The following WDR26 variants were observed in gnomAD, a reference collection of about 807,000 sequenced individuals.
WDR26 encodes WD repeat-containing protein 26.
A neutral mutation model predicts 84.1 loss-of-function variants in WDR26; 5 were observed. The ratio of observed to expected loss-of-function variants is 0.06; its 90% CI spans 0.03 to 0.13. The LOEUF is 0.13. Among genes scored for constraint, WDR26 ranks in the 10% least tolerant of loss-of-function variants. The probability of loss-of-function intolerance (pLI) is 1.00; values close to 1 mark genes in which losing one functional copy is unlikely to be tolerated. For synonymous variants in WDR26, 415 were observed against 389.6 expected (o/e 1.07, Z -0.77); for missense variants, 642 against 974.9 (o/e 0.66, Z 4.55).
At chr1:224,407,122 TAAAAAAAAAAAA>T (rs1158264938) in intron 7 of WDR26, among the ~76,000 whole-genome samples, 2 of 11,684 alleles carry the variant, frequency 1.7e-4, no homozygotes, top group African/African-American at 5.8e-4. Flanking sequence ...ACTCTGTCTT[TAAAAAAAAAAAA>T]AAAAAAAAAA....
At chr1:224,411,772 C>T (rs1177885405) in intron 6 of WDR26, among the ~76,000 whole-genome samples, 1 of 150,920 alleles carries the variant, frequency 6.6e-6, no homozygotes. Flanking sequence ...GTAGCACAAT[C>T]ATAGATCACT....
intron 12 of WDR26, among the ~76,000 whole-genome samples, chr1:224,394,488 T>C (rs551149771): frequency 7.3e-5 from 11 of 151,462 alleles, no homozygotes; most frequent in African/African-American, 2.4e-4. Context: ...CCCCATAAAA[T>C]GGGTATTCTG....
At chr1:224,428,528 AG>A (rs1279255171) in intron 3 of WDR26, among the ~76,000 whole-genome samples, 7 of 152,186 alleles carry the variant, frequency 4.6e-5, no homozygotes, top group Non-Finnish European at 8.8e-5. Flanking sequence ...ACATAAAAAA[AG>A]TTTTCTATTA....
At chr1:224,392,363 AAAAAG>A (rs1673152763) in intron 13 of WDR26, among the ~76,000 whole-genome samples, 1 of 152,154 alleles carries the variant, frequency 6.6e-6, no homozygotes, top group Non-Finnish European at 1.5e-5. Context: ...CTCAAAAAAA[AAAAAG>A]AAAAGAAAAC....
chr1:224,426,427 A>ATACG (rs937354056), intron 3 of WDR26, among the ~76,000 whole-genome samples: 3 of 152,158 alleles, frequency 2.0e-5, no homozygotes, highest in Admixed American at 2.0e-4. Flanking sequence ...CATCTTAAAT[A>ATACG]TACGGCTAAG....
chr1:224,433,477 T>A (rs1674467317), intron 1 of WDR26, among the ~76,000 whole-genome samples: 3 of 152,054 alleles, frequency 2.0e-5, no homozygotes, highest in African/African-American at 7.3e-5. Context: ...GACTGATTGA[T>A]TTTCCCCTAT....
intron 4 of WDR26, among the ~76,000 whole-genome samples, chr1:224,423,145 G>C (rs1182946967): frequency 6.6e-6 from 1 of 152,184 alleles, no homozygotes; most frequent in Non-Finnish European, 1.5e-5. Context: ...AGTTCTAAGA[G>C]TTTTTTAGTG....
Position 224,433,764 on chromosome 1 carries a change from G to C in WDR26, c.642C>G (p.Leu214=). 2 of 1,536,618 alleles carry C rather than the reference G, an allele frequency of 1.3e-6. No homozygotes were observed. The highest frequency in any genetic ancestry group is 1.7e-6 in the Non-Finnish European group (2 of 1,146,572). Residue 214 remains leucine, a synonymous_variant, in exon 1 of 14, where the codon CTC becomes CTG. Transcript: ENST00000414423. The stretch of plus-strand genomic sequence containing the variant: ...ACTGGGAGAGCCGCTTCTTCTTCTT[G>C]AGGCTGCTGCCCAGTTCTGGGGTGG...
intron 7 of WDR26, among the ~76,000 whole-genome samples, chr1:224,406,948 C>T (rs922139509): frequency 6.7e-6 from 1 of 149,452 alleles, no homozygotes; most frequent in Non-Finnish European, 1.5e-5. Flanking sequence ...GTGGTGAAAC[C>T]CTGTCTCTAC....
At chr1:224,421,858 TCC>T (rs2102916645) in intron 4 of WDR26, among the ~76,000 whole-genome samples, 2 of 152,196 alleles carry the variant, frequency 1.3e-5, no homozygotes, top group Admixed American at 1.3e-4. Flanking sequence ...AGGCTTTGAG[TCC>T]TGCTTTCTGA....
At chr1:224,422,714 C>CAAAA (rs57059923) in intron 4 of WDR26, among the ~76,000 whole-genome samples, 1 of 146,222 alleles carries the variant, frequency 6.8e-6, no homozygotes. Context: ...AACTCTGTCT[C>CAAAA]AAAAAAAAAA....
chr1:224,395,477 C>T (rs1161521651), intron 12 of WDR26, among the ~76,000 whole-genome samples: 1 of 151,918 alleles, frequency 6.6e-6, no homozygotes, highest in Non-Finnish European at 1.5e-5. Flanking sequence ...TGTATCTGAA[C>T]TTTTTGTGTG....
intron 4 of WDR26, among the ~76,000 whole-genome samples, chr1:224,420,943 T>G (rs1430696228): frequency 6.6e-6 from 1 of 152,196 alleles, no homozygotes; most frequent in Non-Finnish European, 1.5e-5. Context: ...CAACTTTTTT[T>G]GGGCAAAGTT....
At chr1:224,428,694 C>T (rs557450697) in intron 3 of WDR26, among the ~76,000 whole-genome samples, 1 of 150,188 alleles carries the variant, frequency 6.7e-6, no homozygotes, top group East Asian at 2.0e-4. Flanking sequence ...GTCAGGAGTT[C>T]GAGACCAGCC....
At chr1:224,397,256 G>T (rs1370205635) in intron 12 of WDR26, among the ~76,000 whole-genome samples, 2 of 152,158 alleles carry the variant, frequency 1.3e-5, no homozygotes, top group Non-Finnish European at 2.9e-5. Context: ...CTCCCAGAGT[G>T]TTGAGATTAC....
chr1:224,391,705 T>C (rs1673131726), intron 13 of WDR26, among the ~76,000 whole-genome samples: 1 of 152,194 alleles, frequency 6.6e-6, no homozygotes, highest in Non-Finnish European at 1.5e-5. Context: ...TTTTGATTTT[T>C]TTTAATATTG....
chr1:224,404,922 T>A (rs933709704), intron 7 of WDR26, among the ~76,000 whole-genome samples: 1 of 152,244 alleles, frequency 6.6e-6, no homozygotes, highest in East Asian at 1.9e-4. Context: ...ATCTCTTACA[T>A]ATTTTTAAAC....
At chr1:224,413,561 A>C (rs923339567) in intron 6 of WDR26, among the ~76,000 whole-genome samples, 4 of 152,184 alleles carry the variant, frequency 2.6e-5, no homozygotes, top group African/African-American at 9.7e-5. Context: ...TAGACACTTC[A>C]CATATAATAT....
chr1:224,402,504 G>C (rs1673446768), intron 8 of WDR26, among the ~76,000 whole-genome samples: 2 of 152,142 alleles, frequency 1.3e-5, no homozygotes, highest in African/African-American at 4.8e-5. Flanking sequence ...AATGATTAAA[G>C]AAATCTGAAA....
Sources: allele counts gnomAD v4.1 joint callset (sites outside exome capture counted in the v4.1 genomes callset), GRCh38; gene constraint gnomAD v4.1.1; transcripts MANE v1.5; gene names NCBI Gene and HGNC (gene_info 2026-07-23, HGNC 2026-07-21).